Variants in NT5C1B observed in about 807,000 individuals in gnomAD.
NT5C1B encodes the protein 5'-nucleotidase, cytosolic IB.
Under a neutral mutation model 57.8 loss-of-function variants are expected in NT5C1B, and 44 were observed. The observed-to-expected ratio is 0.76, with a 90% CI of 0.60 to 0.98. The LOEUF (loss-of-function observed/expected upper bound fraction) is 0.98, where lower values mean the gene tolerates loss of function less well. Ranked by LOEUF, NT5C1B falls within the 50% of genes least tolerant of loss-of-function variation. The probability of loss-of-function intolerance (pLI) is 0.00; values close to 1 mark genes in which losing one functional copy is unlikely to be tolerated. For missense variants in NT5C1B, 742 were observed against 719.5 expected (o/e 1.03, Z -0.36); for synonymous variants, 284 against 282.6 (o/e 1.00, Z -0.05).
exon 6 of NT5C1B, chr2:18,582,903 A>T (rs1433574226): frequency 1.2e-6 from 2 of 1,613,950 alleles, no homozygotes; most frequent in East Asian, 4.5e-5. Flanking sequence ...CCGCACTCCC[A>T]CTTGGGCATG....
At chr2:18,576,894 G>C in exon 7 of NT5C1B, 1 of 1,613,516 alleles carries the variant, frequency 6.2e-7, no homozygotes, top group South Asian at 1.1e-5. Flanking sequence ...CAATCAGTAA[G>C]CCTATTATCA....
At chr2:18,568,052 T>G (rs1346544597) in intron 8 of NT5C1B, among the ~76,000 whole-genome samples, 1 of 124,556 alleles carries the variant, frequency 8.0e-6, no homozygotes, top group Non-Finnish European at 1.7e-5. Flanking sequence ...AAAAAAAGAG[T>G]GGGGAAAAAA....
chr2:18,587,229 G>T, intron 2 of NT5C1B: 1 of 1,554,374 alleles, frequency 6.4e-7, no homozygotes, highest in South Asian at 1.2e-5. Context: ...TCCCCTCCCT[G>T]ATTTGAACAA....
At chr2:18,577,422 CAA>C (rs371226394) in intron 6 of NT5C1B, among the ~76,000 whole-genome samples, 2 of 39,854 alleles carry the variant, frequency 5.0e-5, no homozygotes, top group African/African-American at 9.5e-5. Flanking sequence ...GACTCTGTCT[CAA>C]AAAAAAAAAA....
At chr2:18,573,982 A>G (rs918927222) in intron 8 of NT5C1B, among the ~76,000 whole-genome samples, 2 of 152,142 alleles carry the variant, frequency 1.3e-5, no homozygotes, top group African/African-American at 4.8e-5. Context: ...GAGAATACAT[A>G]AAACTAGAAA....
chr2:18,587,670 TAAAG>T lies in NT5C1B; in HGVS notation c.31-82_31-79del, dbSNP rs964528180. On this transcript the variant is annotated intron_variant, in intron 1 of 8. Coordinates refer to ENST00000304081, the Ensembl canonical transcript of NT5C1B. ...AACTTTGGCTTTCAGAATAAAAGGATAAAGAAAACACAAAATTTATTTATTTGCC... is the reference window on the plus strand; with the variant it reads ...AACTTTGGCTTTCAGAATAAAAGGATAAAACACAAAATTTATTTATTTGCC... 62 of 1,487,754 alleles carry T rather than the reference TAAAG, an allele frequency of 4.2e-5. No individual in the cohort carries two copies. The Admixed American group carries it at 1.3e-3, about 32-fold the overall frequency. 92.2% of individuals were successfully genotyped at this position (1,487,754 alleles called of 1,614,324 possible).
At chr2:18,563,675 T>C in exon 9 of NT5C1B, 1 of 1,165,880 alleles carries the variant, frequency 8.6e-7, no homozygotes, top group Non-Finnish European at 1.1e-6. Flanking sequence ...AGAAAACCTT[T>C]CCAAAGAAGC....
Position 18,584,329 on chromosome 2 carries a change from A to G in NT5C1B, c.724-74T>C. 2 of 1,575,898 alleles carry G rather than the reference A, an allele frequency of 1.3e-6. No homozygotes were observed. The highest frequency in any genetic ancestry group is 2.2e-5 in the East Asian group (1 of 44,572). On this transcript the variant is annotated intron_variant, in intron 4 of 8. Coordinates refer to ENST00000304081, the Ensembl canonical transcript of NT5C1B. The surrounding 1 kb of genome is among the most constrained non-coding windows in gnomAD (Gnocchi z 5.8). ...GACAGGGTTGGGGCTCCTCCAGGGT[A>G]GGGTGAGAGTAGGACAGCGGGCCCC... is the stretch of plus-strand genomic sequence containing the variant.
exon 9 of NT5C1B, chr2:18,563,651 T>TA: frequency 1.1e-6 from 1 of 891,588 alleles, no homozygotes; most frequent in Non-Finnish European, 1.6e-6. Context: ...CAAAAGGTTT[T>TA]CCAAAAAATC....
At chr2:18,570,072 A>G (rs1363497231) in intron 8 of NT5C1B, among the ~76,000 whole-genome samples, 1 of 152,110 alleles carries the variant, frequency 6.6e-6, no homozygotes, top group Non-Finnish European at 1.5e-5. Flanking sequence ...AACTCCAAAT[A>G]TATGATAATT....
chr2:18,576,726 T>C (rs1490413409), intron 7 of NT5C1B, 47 bp downstream of exon 7: 1 of 1,602,270 alleles, frequency 6.2e-7, no homozygotes, highest in Admixed American at 1.8e-5. Flanking sequence ...AAGTCACCAT[T>C]AGTGTAAACC....
chr2:18,572,740 A>AT (rs1264276290), intron 8 of NT5C1B, among the ~76,000 whole-genome samples: 2 of 152,142 alleles, frequency 1.3e-5, no homozygotes, highest in Non-Finnish European at 1.5e-5. Context: ...CAATGAGATA[A>AT]TTTTTTTATC....
chr2:18,587,516 C>G (rs368786487), exon 2 of NT5C1B: 13 of 1,613,800 alleles, frequency 8.1e-6, no homozygotes, highest in Non-Finnish European at 1.0e-5. Flanking sequence ...ATTGCTCAGA[C>G]GAACTCCTGT....
At chr2:18,586,121 A>T in intron 3 of NT5C1B, 133 bp downstream of exon 3, 2 of 1,358,194 alleles carry the variant, frequency 1.5e-6, no homozygotes, top group South Asian at 1.7e-5. Context: ...GGCAGAAGGG[A>T]GTTCTCCCAA....
At chr2:18,577,020 C>T in intron 6 of NT5C1B, 125 bp from the exon 7 acceptor site, 1 of 1,492,900 alleles carries the variant, frequency 6.7e-7, no homozygotes, top group Non-Finnish European at 9.0e-7. Context: ...TATTTGTGAA[C>T]CTAAAGGAAA....
At chr2:18,568,914 A>G (rs1664900329) in intron 8 of NT5C1B, among the ~76,000 whole-genome samples, 1 of 152,216 alleles carries the variant, frequency 6.6e-6, no homozygotes, top group Non-Finnish European at 1.5e-5. Context: ...CTGTGCTCTG[A>G]CCACCTTGGG....
intron 8 of NT5C1B, among the ~76,000 whole-genome samples, chr2:18,565,992 CT>C (rs1664608677): frequency 6.6e-6 from 1 of 152,174 alleles, no homozygotes; most frequent in African/African-American, 2.4e-5. Context: ...CATTCTATAA[CT>C]TTCACATTTT....
chr2:18,587,409 T>G (rs895680676), intron 2 of NT5C1B, 94 bp downstream of exon 2: 6 of 1,561,544 alleles, frequency 3.8e-6, no homozygotes, highest in Non-Finnish European at 5.2e-6. Context: ...CTCAACAGCT[T>G]GGTCTTCTCT....
At chr2:18,574,176 TTC>T (rs1190716750) in intron 8 of NT5C1B, among the ~76,000 whole-genome samples, 1 of 152,120 alleles carries the variant, frequency 6.6e-6, no homozygotes, top group Non-Finnish European at 1.5e-5. Context: ...GAATAGACAT[TTC>T]TCTAAAGAAC....
Sources: allele counts gnomAD v4.1 joint callset (sites outside exome capture counted in the v4.1 genomes callset), GRCh38; gene constraint gnomAD v4.1.1; non-coding constraint Gnocchi (gnomAD v3.1); transcripts MANE v1.5; gene names NCBI Gene and HGNC (gene_info 2026-07-23, HGNC 2026-07-21).